Variants in TJP2 observed in about 807,000 individuals in gnomAD.
The protein encoded by TJP2 is tight junction protein 2, also known as Friedreich ataxia region gene X104 (tight junction protein ZO-2).
A neutral mutation model predicts 133.1 loss-of-function variants in TJP2; 91 were observed. The ratio of observed to expected loss-of-function variants is 0.68; its 90% CI spans 0.58 to 0.81. The LOEUF (loss-of-function observed/expected upper bound fraction) is 0.81, where lower values mean the gene tolerates loss of function less well. Among genes scored for constraint, TJP2 ranks in the 40% least tolerant of loss-of-function variants. The pLI is 0.00. For synonymous variants in TJP2, 592 were observed against 583.4 expected, an observed-to-expected ratio of 1.01 and a Z score of -0.21; for missense variants, 1,541 against 1,565.6, an observed-to-expected ratio of 0.98 and a Z score of 0.26.
Position 69,126,358 on chromosome 9 carries a change from T to C in TJP2, c.-131+4633T>C, listed in dbSNP as rs1192673647. Among the ~76,000 whole-genome samples, 2 of 76,382 alleles carry C rather than the reference T, an allele frequency of 2.6e-5. 1 individual carries two copies. Among genetic ancestry groups the C allele is most frequent in the Non-Finnish European group, 6.0e-5 (2 of 33,358 alleles). The allele number at this position is 76,382 out of a possible 152,430, so 50.1% of individuals were successfully genotyped here. ...TGAGTTAGATTATACTTGAATGGGG[T>C]CTTAGGTTGGCTGGGCCAGCTCCCC... On this transcript the variant is annotated intron_variant, in intron 1 of 5. Transcript: ENST00000423935.
intron 1 of TJP2, among the ~76,000 whole-genome samples, chr9:69,204,102 C>A (rs1333010269): frequency 6.6e-6 from 1 of 152,026 alleles, no homozygotes; most frequent in Non-Finnish European, 1.5e-5. Flanking sequence ...GGTTTTATCG[C>A]CACTGTATAA....
At chr9:69,229,773 G>A (rs1006153469) in intron 10 of TJP2, among the ~76,000 whole-genome samples, 10 of 152,184 alleles carry the variant, frequency 6.6e-5, no homozygotes, top group Non-Finnish European at 1.3e-4. Flanking sequence ...CAGTGCAAGC[G>A]GGCCTTCCTT....
intron 2 of TJP2, among the ~76,000 whole-genome samples, chr9:69,162,928 A>G (rs916819731): frequency 2.6e-5 from 4 of 152,258 alleles, no homozygotes; most frequent in Non-Finnish European, 5.9e-5. Context: ...AACATATGTA[A>G]ATAACATAAA....
chr9:69,237,075 C>T lies in TJP2; in HGVS notation c.2118C>T (p.Leu706=). ...KKNLRKSRED[L]TAVVSVSTKF... ...ACCTGAGGAAAAGTCGGGAAGACCT[C>T]ACAGCTGTTGTGTCTGTCAGCACCA... Residue 706 remains leucine (L), a synonymous_variant, in exon 14 of 23, where the codon CTC becomes CTT. Coordinates refer to ENST00000377245, the MANE Select transcript of TJP2 (RefSeq NM_004817.4). 1.2e-6 allele frequency: 2 copies of T among 1,614,130 alleles called. No homozygotes were observed. Among genetic ancestry groups the T allele is most frequent in the Non-Finnish European group, 1.7e-6 (2 of 1,180,038 alleles).
At chr9:69,217,311 T>C (rs548460739) in intron 3 of TJP2, among the ~76,000 whole-genome samples, 12 of 152,344 alleles carry the variant, frequency 7.9e-5, no homozygotes, top group Non-Finnish European at 1.3e-4. Flanking sequence ...TTTTACATGA[T>C]ACATGCCTGA....
At chr9:69,206,483 C>T (rs1354723207) in intron 1 of TJP2, among the ~76,000 whole-genome samples, 2 of 152,126 alleles carry the variant, frequency 1.3e-5, no homozygotes, top group Non-Finnish European at 2.9e-5. Flanking sequence ...TATACTCGTA[C>T]CTCTTGGGTA....
intron 1 of TJP2, among the ~76,000 whole-genome samples, chr9:69,140,236 C>T (rs1448681648): frequency 2.4e-4 from 36 of 152,180 alleles, no homozygotes; most frequent in Admixed American, 2.4e-3. Flanking sequence ...TACACTTACA[C>T]GGTGTATATT....
intron 1 of TJP2, among the ~76,000 whole-genome samples, chr9:69,182,026 C>G (rs1825551266): frequency 6.6e-6 from 1 of 152,320 alleles, no homozygotes; most frequent in Middle Eastern, 3.4e-3. Flanking sequence ...TTGCCTGTGA[C>G]ATACGCTTGG....
At chr9:69,169,420 G>A (rs111360275), upstream of TJP2, among the ~76,000 whole-genome samples, 56 of 150,368 alleles carry the variant, frequency 3.7e-4, no homozygotes, top group African/African-American at 1.3e-3. Flanking sequence ...GTGCAGTGGC[G>A]TGATCTCGGC....
At chr9:69,195,769 TA>T (rs759301842) in intron 1 of TJP2, among the ~76,000 whole-genome samples, 3 of 152,158 alleles carry the variant, frequency 2.0e-5, no homozygotes, top group Non-Finnish European at 4.4e-5. Flanking sequence ...CAGCCAGAAA[TA>T]AAATCCGACT....
intron 16 of TJP2, among the ~76,000 whole-genome samples, chr9:69,239,625 A>G (rs1375575679): frequency 1.3e-5 from 2 of 152,180 alleles, no homozygotes; most frequent in Non-Finnish European, 2.9e-5. Context: ...AGCCTGGCCA[A>G]CATGGTGAAA....
chr9:69,162,111 A>G (rs2132858278), intron 2 of TJP2, among the ~76,000 whole-genome samples: 1 of 148,108 alleles, frequency 6.8e-6, no homozygotes, highest in Middle Eastern at 3.6e-3. Flanking sequence ...GTATTATATA[A>G]TAAATATAAT....
At chr9:69,174,872 C>T (rs1824953262) in intron 1 of TJP2, among the ~76,000 whole-genome samples, 1 of 151,068 alleles carries the variant, frequency 6.6e-6, no homozygotes. Context: ...TCCCTTTTCC[C>T]TTTCAATCAG....
intron 2 of TJP2, among the ~76,000 whole-genome samples, chr9:69,213,099 T>A (rs1828062135): frequency 6.8e-6 from 1 of 148,110 alleles, no homozygotes. Context: ...ATTGCACTCT[T>A]GTCGCCCAGG....
chr9:69,132,007 C>T (rs1303160659), intron 1 of TJP2, among the ~76,000 whole-genome samples: 3 of 152,122 alleles, frequency 2.0e-5, no homozygotes, highest in African/African-American at 4.8e-5. Context: ...GAGCGAAGTC[C>T]AAGGCAAGCA....
chr9:69,132,800 T>C (rs1440359888), intron 1 of TJP2, among the ~76,000 whole-genome samples: 1 of 152,134 alleles, frequency 6.6e-6, no homozygotes, highest in African/African-American at 2.4e-5. Flanking sequence ...CTAGGGTACC[T>C]ACCTGGTAGG....
chr9:69,220,513 A>C (rs1828737498), intron 4 of TJP2, among the ~76,000 whole-genome samples: 1 of 152,230 alleles, frequency 6.6e-6, no homozygotes, highest in South Asian at 2.1e-4. Context: ...CCCATCAATC[A>C]ACTTCTCTTT....
intron 1 of TJP2, among the ~76,000 whole-genome samples, chr9:69,139,059 A>G (rs989476172): frequency 2.6e-5 from 4 of 152,128 alleles, no homozygotes; most frequent in Non-Finnish European, 5.9e-5. Context: ...TACTAAAAAT[A>G]CAAAAAAATT....
intron 16 of TJP2, 103 bp from the exon 17 acceptor site, chr9:69,239,833 CA>C: frequency 1.0e-6 from 1 of 999,330 alleles, no homozygotes; most frequent in Non-Finnish European, 1.5e-6. Context: ...AACAAACAAA[CA>C]AACAAGATAT....
Sources: gnomAD v4.1 joint callset for allele counts (sites outside exome capture counted in the v4.1 genomes callset) on GRCh38, gnomAD v4.1.1 for gene constraint, MANE v1.5 for transcripts, NCBI Gene and HGNC (gene_info 2026-07-23, HGNC 2026-07-21) for gene names.